The following NBPF15 variants were observed in gnomAD, a reference collection of about 807,000 sequenced individuals.
NBPF15 encodes the protein NBPF family member NBPF15.
A neutral mutation model predicts 62.2 loss-of-function variants in NBPF15; 74 were observed. The ratio of observed to expected loss-of-function variants is 1.19; its 90% CI spans 0.99 to 1.44. The LOEUF (loss-of-function observed/expected upper bound fraction) is 1.44. Among genes scored for constraint, NBPF15 ranks in the 40% most tolerant of loss-of-function variants. The pLI, the probability that NBPF15 is intolerant of heterozygous loss-of-function variation, is 0.00. For missense variants in NBPF15, 790 were observed against 550.0 expected, an observed-to-expected ratio of 1.44 and a Z score of -4.36; for synonymous variants, 244 against 209.7, an observed-to-expected ratio of 1.16 and a Z score of -1.41.
chr1:144,459,616 C>A (rs1272011907), intron 2 of NBPF15, 133 bp from the exon 3 acceptor site: 9 of 151,650 alleles, frequency 5.9e-5, no homozygotes, highest in African/African-American at 2.2e-4. Flanking sequence ...GGACACATAA[C>A]CAGAAAAAAG....
At position 144,439,975 on chromosome 1, in the gene NBPF15, C is replaced by T; in HGVS notation, c.29G>A (p.Ser10Asn). ...TAGAATGTTCATCTCTGCCTTCTCG[C>T]TGGACAAAGGGCCGGCTGATACCAC... is the stretch of plus-strand genomic sequence containing the variant. MVVSAGPLS[S>N]EKAEMNILEI... Residue 10 changes from serine to asparagine, a missense_variant, in exon 8 of 22, where the codon AGC becomes AAC. Ser to Asn is a conservative substitution (Grantham distance 46). Coordinates refer to ENST00000581897, the MANE Select transcript of NBPF15 (RefSeq NM_001385408.1). The T allele has an allele frequency of 6.2e-7, 1 of 1,610,454 alleles. No individual in the cohort carries two copies. The highest frequency in any genetic ancestry group is 8.5e-7 in the Non-Finnish European group (1 of 1,178,362).
At chr1:144,448,405 C>G (rs1382588403) in intron 6 of NBPF15, among the ~76,000 whole-genome samples, 1 of 151,952 alleles carries the variant, frequency 6.6e-6, no homozygotes, top group Non-Finnish European at 1.5e-5. Flanking sequence ...AACCACTGAA[C>G]CAATTCTATG....
At position 144,423,270 on chromosome 1, in the gene NBPF15, C is replaced by A. The variant is rs587673920; in HGVS notation, c.1770-14G>T. ...ACGCCGTAGAGCCTGGAAAAGGAGA[C>A]AAAACTAAAGAAGCAGCCAGGGAAA... On this transcript the variant is annotated splice_polypyrimidine_tract_variant and intron_variant, in intron 21 of 21. Coordinates refer to ENST00000581897, the MANE Select transcript of NBPF15 (RefSeq NM_001385408.1). 27 of 1,610,568 alleles carry A rather than the reference C, an allele frequency of 1.7e-5. No individual in the cohort carries two copies. The East Asian group carries it at 5.4e-4, about 32-fold the overall frequency.
chr1:144,447,815 A>C lies in NBPF15; in HGVS notation c.-191+960T>G, dbSNP rs1805198. 8.7e-5 allele frequency among the ~76,000 whole-genome samples: 13 copies of C among 148,988 alleles called. No individual in the cohort carries two copies. In the East Asian group the frequency reaches 1.5e-3, roughly 17 times the overall value. ...TTTATTTCATGCCTTTCTAATTTGA[A>C]ATAAAGTGCTACATGGCATTGGGGC... On this transcript the variant is annotated intron_variant, in intron 6 of 21. Coordinates refer to ENST00000581897, the MANE Select transcript of NBPF15 (RefSeq NM_001385408.1).
Position 144,435,268 on chromosome 1 carries a change from C to T in NBPF15, c.615G>A (p.Glu205=), listed in dbSNP as rs1352635635. Residue 205 remains glutamate, a synonymous_variant, in exon 12 of 22, where the codon GAG becomes GAA. Transcript: ENST00000581897. The part of the protein sequence containing the change: ...EEKEVPEDSL[E]ECAITCSNSH... ...TATTTGAACAAGTGATGGCACATTC[C>T]TCCAGTGAGTCCTCAGGGACTTCCT... is the stretch of plus-strand genomic sequence containing the variant. The T allele has an allele frequency of 9.9e-6, 16 of 1,612,316 alleles. No individual in the cohort carries two copies. Among genetic ancestry groups the T allele is most frequent in the African/African-American group, 9.4e-5 (7 of 74,778 alleles).
intron 6 of NBPF15, among the ~76,000 whole-genome samples, chr1:144,445,125 TC>T (rs1187474992): frequency 5.1e-4 from 78 of 151,622 alleles, no homozygotes; most frequent in African/African-American, 1.8e-3. Context: ...CAGTGGAGCA[TC>T]TTTTCCTATG....
chr1:144,423,119 T>G lies in NBPF15; in HGVS notation c.1907A>C (p.Glu636Ala). The G allele has an allele frequency of 6.2e-7, 1 of 1,611,666 alleles. No individual in the cohort carries two copies. Among genetic ancestry groups the G allele is most frequent in the Non-Finnish European group, 8.5e-7 (1 of 1,179,626 alleles). Reference sequence around the variant, plus strand: ...AAGGGCGAAGCTGATATGCTCTTCCTCAAATGAGTAAAACACACTTCTGTA... The same window carrying G: ...AAGGGCGAAGCTGATATGCTCTTCCGCAAATGAGTAAAACACACTTCTGTA... ...QHYRSVFYSF[E>A]EEHISFALYV... Residue 636 changes from glutamate (E) to alanine (A), a missense_variant, in exon 22 of 22, where the codon GAG (glutamate) becomes GCG (alanine). By Grantham distance (107) the Glu-to-Ala change is moderately radical. Coordinates refer to ENST00000581897, the MANE Select transcript of NBPF15 (RefSeq NM_001385408.1).
rs587613121 is a variant in NBPF15 at position 144,424,223 on chromosome 1, G to T, written c.1664-248C>A. Among the ~76,000 whole-genome samples, 286 of 152,068 alleles carry T rather than the reference G, an allele frequency of 1.9e-3. 1 individual carries two copies. The highest frequency in any genetic ancestry group is 6.5e-3 in the African/African-American group (269 of 41,494). ...TCCCAATAACATTTGTCCCAAGTTT[G>T]TGCAAACAGTTATGCCATATTTTTC... On this transcript the variant is annotated intron_variant, in intron 20 of 21. Coordinates refer to ENST00000581897, the MANE Select transcript of NBPF15 (RefSeq NM_001385408.1).
chr1:144,424,117 T>A, intron 20 of NBPF15, 142 bp from the exon 21 acceptor site: 1 of 735,534 alleles, frequency 1.4e-6, no homozygotes, highest in South Asian at 1.5e-5. Flanking sequence ...TCAGGAGGTC[T>A]GAAGGCTGGT....
At chr1:144,447,084 G>A (rs1390213612) in intron 6 of NBPF15, among the ~76,000 whole-genome samples, 15 of 152,296 alleles carry the variant, frequency 9.8e-5, no homozygotes, top group Middle Eastern at 3.4e-3. Flanking sequence ...AATCCCTCCC[G>A]CCTTGTCTCT....
intron 10 of NBPF15, among the ~76,000 whole-genome samples, chr1:144,436,167 C>T (rs1344458925): frequency 2.6e-5 from 4 of 152,062 alleles, no homozygotes; most frequent in Admixed American, 2.0e-4. Context: ...AGATCTGATT[C>T]CCAGGCACAG....
chr1:144,447,976 A>G (rs1439071804), intron 6 of NBPF15, among the ~76,000 whole-genome samples: 9 of 152,068 alleles, frequency 5.9e-5, no homozygotes, highest in African/African-American at 1.2e-4. Flanking sequence ...AGCATCAGCC[A>G]CTGTCGGCTG....
intron 14 of NBPF15, among the ~76,000 whole-genome samples, chr1:144,429,463 G>A (rs1672601035): frequency 1.3e-5 from 2 of 151,052 alleles, no homozygotes; most frequent in South Asian, 4.2e-4. Flanking sequence ...TGTCGTGACA[G>A]TCAGTCCAGG....
At chr1:144,444,807 C>T (rs1447865777) in intron 6 of NBPF15, among the ~76,000 whole-genome samples, 1 of 151,932 alleles carries the variant, frequency 6.6e-6, no homozygotes, top group Non-Finnish European at 1.5e-5. Flanking sequence ...TGTTACTGAG[C>T]CACGAGAAAT....
In NBPF15 at chr1:144,442,308, G is replaced by T. The variant is rs868964093; in HGVS notation, c.-190-2013C>A. Among the ~76,000 whole-genome samples, 8 of 116,824 alleles carry T rather than the reference G, an allele frequency of 6.8e-5. 1 individual carries two copies. Among genetic ancestry groups the T allele is most frequent in the African/African-American group, 1.4e-4 (4 of 29,458 alleles). 76.6% of individuals were successfully genotyped at this position (116,824 alleles called of 152,430 possible). ...GTATATATTATATATATATATACAC[G>T]TGTATATATTATATATATATACACG... On this transcript the variant is annotated intron_variant, in intron 6 of 21. Transcript: ENST00000581897.
At position 144,459,925 on chromosome 1, in the gene NBPF15, C is replaced by T. The variant is rs1241448018; in HGVS notation, c.-818-442G>A. Among the ~76,000 whole-genome samples, 14 of 151,144 alleles carry T rather than the reference C, an allele frequency of 9.3e-5. 1 individual carries two copies. The highest frequency in any genetic ancestry group is 1.3e-4 in the Non-Finnish European group (9 of 67,886). On this transcript the variant is annotated intron_variant, in intron 2 of 21. Transcript: ENST00000581897. ...ATACTAAGTTTTATCATTCATATAC[C>T]TCTAAAACCAACAATGCCACTCCTA...
intron 21 of NBPF15, among the ~76,000 whole-genome samples, chr1:144,423,542 C>T (rs1407203800): frequency 6.6e-6 from 1 of 151,950 alleles, no homozygotes; most frequent in African/African-American, 2.4e-5. Context: ...AAAGGACACT[C>T]TGAGTTAGTG....
Position 144,452,431 on chromosome 1 carries a change from C to T in NBPF15, c.-431-1561G>A, listed in dbSNP as rs587621803. On this transcript the variant is annotated intron_variant, in intron 4 of 21. Transcript: ENST00000581897. ...ACACAATAGTCCACTATATAAAGTC[C>T]CAAACACAGGAAAATATAAATATAA... Among the ~76,000 whole-genome samples, 32 of 151,666 alleles carry T rather than the reference C, an allele frequency of 2.1e-4. 1 individual carries two copies. In the South Asian group the frequency reaches 3.4e-3, roughly 16 times the overall value.
At chr1:144,453,621 A>G (rs1367809446) in intron 4 of NBPF15, among the ~76,000 whole-genome samples, 1 of 144,842 alleles carries the variant, frequency 6.9e-6, no homozygotes, top group Non-Finnish European at 1.5e-5. Context: ...GAATTCTGAG[A>G]ACTAAACAAC....
Sources: gnomAD v4.1 joint callset for allele counts (sites outside exome capture counted in the v4.1 genomes callset) on GRCh38, gnomAD v4.1.1 for gene constraint, MANE v1.5 for transcripts, NCBI Gene and HGNC (gene_info 2026-07-23, HGNC 2026-07-21) for gene names.